ACACA: variants seen among roughly 807,000 people sequenced by gnomAD.
ACACA encodes acetyl-CoA carboxylase 1.
Under a neutral mutation model 296.1 loss-of-function variants are expected in ACACA, and 103 were observed. The ratio of observed to expected loss-of-function variants is 0.35; its 90% CI spans 0.30 to 0.41. ACACA has a LOEUF of 0.41. Ranked by LOEUF, ACACA falls within the 10% of genes least tolerant of loss-of-function variation. The probability of loss-of-function intolerance (pLI) is 1.00; values close to 1 mark genes in which losing one functional copy is unlikely to be tolerated. For missense variants in ACACA, 1,554 were observed against 2,989.7 expected, an observed-to-expected ratio of 0.52 and a Z score of 11.20; for synonymous variants, 953 against 1,038.6, an observed-to-expected ratio of 0.92 and a Z score of 1.58.
At chr17:37,217,412 TG>T (rs2079057636) in intron 29 of ACACA, among the ~76,000 whole-genome samples, 2 of 151,628 alleles carry the variant, frequency 1.3e-5, no homozygotes. Context: ...GCTAGGAATG[TG>T]AAGACCAAGT....
Position 37,165,262 on chromosome 17 carries a change from A to G in ACACA, c.5080-3212T>C, listed in dbSNP as rs1367229950. On this transcript the variant is annotated intron_variant, in intron 41 of 55. Coordinates refer to ENST00000616317, the MANE Select transcript of ACACA (RefSeq NM_198834.3). ...ACATCTAAGAAAGCACTATTATTCA[A>G]TTTACATTAAAATAATTTAGATTTC... Among the ~76,000 whole-genome samples, 8 of 152,082 alleles carry G rather than the reference A, an allele frequency of 5.3e-5. 1 individual carries two copies. Among genetic ancestry groups the G allele is most frequent in the African/African-American group, 1.2e-4 (5 of 41,404 alleles).
intron 45 of ACACA, among the ~76,000 whole-genome samples, chr17:37,137,251 T>C (rs1416668686): frequency 6.6e-6 from 1 of 152,220 alleles, no homozygotes; most frequent in Non-Finnish European, 1.5e-5. Context: ...CTACTGGTTT[T>C]ACTGAATAGG....
intron 41 of ACACA, among the ~76,000 whole-genome samples, chr17:37,166,554 TA>T (rs1200271902): frequency 1.3e-5 from 2 of 152,224 alleles, no homozygotes; most frequent in African/African-American, 2.4e-5. Flanking sequence ...TATTTTATTT[TA>T]AAAATAACAA....
intron 52 of ACACA, among the ~76,000 whole-genome samples, chr17:37,100,783 C>A (rs1216289859): frequency 2.0e-5 from 3 of 152,030 alleles, no homozygotes; most frequent in Non-Finnish European, 4.4e-5. Context: ...CTTAGAAATA[C>A]ACACTAATAT....
chr17:37,392,680 A>G (rs1449332823), intron 1 of ACACA: 1 of 152,176 alleles, frequency 6.6e-6, no homozygotes, highest in African/African-American at 2.4e-5. Flanking sequence ...AAAAATACAT[A>G]AACTGTATCC....
rs1333276718 is a variant in ACACA at position 37,086,927 on chromosome 17, C to T, written c.*389G>A. On this transcript the variant is annotated 3_prime_UTR_variant, in exon 56 of 56. Transcript: ENST00000616317. ...ATGGGGCCAGGAGTGAGGGGGGCTGCTCACTGCTGGGCAACTCCTCACGCT... is the reference window on the plus strand; with the variant it reads ...ATGGGGCCAGGAGTGAGGGGGGCTGTTCACTGCTGGGCAACTCCTCACGCT... 9.4e-6 allele frequency: 3 copies of T among 319,698 alleles called. No homozygotes were observed. The highest frequency in any genetic ancestry group is 1.8e-5 in the Non-Finnish European group (3 of 163,870). The allele number at this position is 319,698 out of a possible 1,614,324, so 19.8% of individuals were successfully genotyped here.
intron 1 of ACACA, among the ~76,000 whole-genome samples, chr17:37,403,171 G>T (rs1430147307): frequency 1.3e-5 from 2 of 152,224 alleles, no homozygotes; most frequent in Non-Finnish European, 2.9e-5. Context: ...ACTTGTATTT[G>T]TCATTTCCAG....
chr17:37,191,005 G>T, intron 38 of ACACA, 115 bp downstream of exon 38: 1 of 1,258,884 alleles, frequency 7.9e-7, no homozygotes. Flanking sequence ...TACAGATTAA[G>T]GGCTCAACAG....
At chr17:37,371,627 G>A (rs924947204) in intron 1 of ACACA, among the ~76,000 whole-genome samples, 3 of 151,928 alleles carry the variant, frequency 2.0e-5, no homozygotes, top group East Asian at 1.9e-4. Context: ...CGGCCAGGCC[G>A]AGTAGCTCAC....
intron 29 of ACACA, among the ~76,000 whole-genome samples, chr17:37,219,721 ATAT>A (rs1167761851): frequency 4.0e-5 from 6 of 148,480 alleles, no homozygotes; most frequent in African/African-American, 7.3e-5. Flanking sequence ...CATTTTTCAT[ATAT>A]TATAATATAT....
chr17:37,293,539 C>CTTT (rs58534025), intron 3 of ACACA, among the ~76,000 whole-genome samples: 114 of 124,590 alleles, frequency 9.2e-4, no homozygotes, highest in African/African-American at 9.8e-4. Flanking sequence ...AATTTTAGGA[C>CTTT]TTTTTTTTTT....
intron 35 of ACACA, among the ~76,000 whole-genome samples, chr17:37,197,389 T>C (rs2078051535): frequency 6.6e-6 from 1 of 152,166 alleles, no homozygotes; most frequent in South Asian, 2.1e-4. Context: ...CTCCTCTCCT[T>C]GCTCCCTCAA....
rs369911133 is a variant in ACACA, at chr17:37,221,539, C to T, written c.3683+185G>A. On this transcript the variant is annotated intron_variant, in intron 29 of 55. Transcript: ENST00000616317. ...ATCCTAAACTTTCATCTTACTTAGA[C>T]CATAATTTTTCTCTTTAGATCAAAG... 27 of 675,112 alleles carry T rather than the reference C, an allele frequency of 4.0e-5. No individual in the cohort carries two copies. The African/African-American group carries it at 4.6e-4, about 12-fold the overall frequency. The allele number at this position is 675,112 out of a possible 1,614,324, so 41.8% of individuals were successfully genotyped here.
intron 41 of ACACA, among the ~76,000 whole-genome samples, chr17:37,165,277 A>C (rs1206994335): frequency 6.6e-6 from 1 of 152,178 alleles, no homozygotes; most frequent in Non-Finnish European, 1.5e-5. Context: ...CATTAAAATA[A>C]TTTAGATTTC....
At chr17:37,358,628 G>C (rs1255496249) in intron 1 of ACACA, among the ~76,000 whole-genome samples, 1 of 152,190 alleles carries the variant, frequency 6.6e-6, no homozygotes, top group Non-Finnish European at 1.5e-5. Flanking sequence ...GCCCAGAATC[G>C]GATTGGAGAG....
intron 43 of ACACA, 144 bp from the exon 44 acceptor site, chr17:37,151,565 TC>T: frequency 3.0e-6 from 3 of 985,248 alleles, no homozygotes; most frequent in Middle Eastern, 3.1e-4. Flanking sequence ...CCTTTTATAC[TC>T]TTCATTCATA....
intron 42 of ACACA, among the ~76,000 whole-genome samples, chr17:37,160,480 A>G (rs1471795253): frequency 6.6e-6 from 1 of 152,114 alleles, no homozygotes; most frequent in Non-Finnish European, 1.5e-5. Context: ...AAGAGTGGGG[A>G]GAGGGAAGTG....
chr17:37,117,789 G>GTTTT (rs57262044), intron 50 of ACACA, among the ~76,000 whole-genome samples: 1 of 147,242 alleles, frequency 6.8e-6, no homozygotes, highest in Non-Finnish European at 1.5e-5. Context: ...GACTAGTAGA[G>GTTTT]TTTTTTTTTT....
intron 33 of ACACA, among the ~76,000 whole-genome samples, chr17:37,203,549 G>T (rs2078368251): frequency 6.6e-6 from 1 of 151,788 alleles, no homozygotes; most frequent in African/African-American, 2.4e-5. Flanking sequence ...TTTAAGACCA[G>T]CCTGACCAAC....
Sources: allele counts gnomAD v4.1 joint callset (sites outside exome capture counted in the v4.1 genomes callset), GRCh38; gene constraint gnomAD v4.1.1; transcripts MANE v1.5; gene names NCBI Gene and HGNC (gene_info 2026-07-23, HGNC 2026-07-21).